HK2: variants seen among roughly 807,000 people sequenced by gnomAD.
HK2 encodes the protein hexokinase-2.
Under a neutral mutation model 92.9 loss-of-function variants are expected in HK2, and 42 were observed. That is an observed-to-expected ratio of 0.45 (90% CI 0.35 to 0.58). The LOEUF (loss-of-function observed/expected upper bound fraction) is 0.58, where lower values mean the gene tolerates loss of function less well. HK2 is among the 20% of genes least tolerant of loss of function. The pLI is 0.00. For missense variants in HK2, 978 were observed against 1,245.1 expected, an observed-to-expected ratio of 0.79 and a Z score of 3.23; for synonymous variants, 422 against 468.0, an observed-to-expected ratio of 0.90 and a Z score of 1.27.
At chr2:74,889,541 T>C (rs1689624733) in intron 17 of HK2, 63 bp downstream of exon 17, 1 of 1,092,318 alleles carries the variant, frequency 9.2e-7, no homozygotes, top group African/African-American at 1.6e-5. Flanking sequence ...TTCCCTTTTC[T>C]TTCTCTCTTT....
At chr2:74,869,980 A>C (rs2103946577) in intron 3 of HK2, among the ~76,000 whole-genome samples, 1 of 148,282 alleles carries the variant, frequency 6.7e-6, no homozygotes, top group East Asian at 2.0e-4. Flanking sequence ...TGAATTTTTA[A>C]GGTCTTTTTT....
Position 74,879,547 on chromosome 2 carries a change from T to C in HK2, c.1265+626T>C, listed in dbSNP as rs141549913. 9.2e-5 allele frequency among the ~76,000 whole-genome samples: 14 copies of C among 152,236 alleles called. No homozygotes were observed. In the East Asian group the frequency reaches 2.7e-3, roughly 29 times the overall value. ...CTACCCAGTGTTGCAAAAACTCGAG[T>C]GTGCACGTGAATCACATGGGGATCT... On this transcript the variant is annotated intron_variant, in intron 9 of 17. Transcript: ENST00000290573.
rs150568013 is a variant in HK2 at position 74,834,592 on chromosome 2, G to A, written c.12G>A (p.Ser4=). MIA[S]HLLAYFFTEL... is the part of the protein sequence containing the mutation. ...CGGGCCGCGGCAGGATGATTGCCTC[G>A]CATCTGCTTGCCTACTTCTTCACGG... The change falls in exon 1 of 18, where the codon TCG becomes TCA. Residue 4 remains serine, a synonymous_variant. Coordinates refer to ENST00000290573, the MANE Select transcript of HK2 (RefSeq NM_000189.5). The surrounding 1 kb of genome is among the most constrained non-coding windows in gnomAD (Gnocchi z 4.2). 14 of 1,613,748 alleles carry A rather than the reference G, an allele frequency of 8.7e-6. No individual in the cohort carries two copies. The African/African-American group carries it at 1.7e-4, about 20-fold the overall frequency.
chr2:74,886,185 C>T, intron 13 of HK2, 109 bp from the exon 14 acceptor site: 1 of 843,612 alleles, frequency 1.2e-6, no homozygotes, highest in Non-Finnish European at 2.0e-6. Context: ...GAGGGTCAGC[C>T]ATGGTGTATG....
intron 1 of HK2, among the ~76,000 whole-genome samples, chr2:74,837,261 A>G (rs1018635307): frequency 1.3e-5 from 2 of 152,224 alleles, no homozygotes; most frequent in Non-Finnish European, 2.9e-5. Context: ...GCTTTAGAGC[A>G]CCATGCTCTT....
In HK2 at chr2:74,889,405, C is replaced by T. The variant is rs761165616; in HGVS notation, c.2536C>T (p.Arg846Ter). ...CATGGCCGCTGTGGTGGACAGGATA[C>T]GAGAAAACCGTGGGCTGGACGCTCT... ...AGMAAVVDRI[R>*]ENRGLDALKV... The change falls in exon 17 of 18, where the codon CGA becomes TGA. Residue 846 changes from arginine (R) to a stop codon, truncating the protein, a stop_gained. Coordinates refer to ENST00000290573, the MANE Select transcript of HK2 (RefSeq NM_000189.5). LOFTEE classifies it high-confidence loss of function. 10 of 1,614,044 alleles carry T rather than the reference C, an allele frequency of 6.2e-6. No homozygotes were observed. Among genetic ancestry groups the T allele is most frequent in the Admixed American group, 1.7e-5 (1 of 59,990 alleles).
At position 74,873,800 on chromosome 2, in the gene HK2, C is replaced by CT. The variant is rs1689158620; in HGVS notation, c.592-43dup. The CT allele has an allele frequency of 2.2e-6, 3 of 1,384,624 alleles. No individual in the cohort carries two copies. The Admixed American group carries it at 5.1e-5, about 23-fold the overall frequency. 85.8% of individuals were successfully genotyped at this position (1,384,624 alleles called of 1,614,324 possible). ...TATAGCTGGTGTTAGGAAAGTCGCC[C>CT]TCTGTGATGATGAAGGTCAGAGCCC... is the stretch of plus-strand genomic sequence containing the variant. On this transcript the variant is annotated intron_variant, in intron 5 of 17. Coordinates refer to ENST00000290573, the MANE Select transcript of HK2 (RefSeq NM_000189.5).
chr2:74,857,726 G>T (rs1212180571), intron 2 of HK2, among the ~76,000 whole-genome samples: 1 of 152,162 alleles, frequency 6.6e-6, no homozygotes, highest in Non-Finnish European at 1.5e-5. Flanking sequence ...TTGTCAGTTG[G>T]GGGTATGAGT....
At chr2:74,850,148 T>C (rs1688532856) in intron 1 of HK2, among the ~76,000 whole-genome samples, 1 of 152,208 alleles carries the variant, frequency 6.6e-6, no homozygotes, top group Non-Finnish European at 1.5e-5. Context: ...TATTGGCATA[T>C]TGGAAACCTC....
At chr2:74,889,526 G>C in intron 17 of HK2, 48 bp downstream of exon 17, 1 of 1,245,140 alleles carries the variant, frequency 8.0e-7, no homozygotes, top group Non-Finnish European at 1.2e-6. Context: ...TTCTGTCTTT[G>C]TTCTTTCCCT....
chr2:74,868,681 C>T (rs946079482), intron 3 of HK2, among the ~76,000 whole-genome samples: 1 of 151,988 alleles, frequency 6.6e-6, no homozygotes, highest in Non-Finnish European at 1.5e-5. Flanking sequence ...CTTTTCTTCC[C>T]GTTGCCTCGA....
At chr2:74,884,800 G>T (rs1182430613) in intron 12 of HK2, among the ~76,000 whole-genome samples, 8 of 152,198 alleles carry the variant, frequency 5.3e-5, no homozygotes, top group Non-Finnish European at 8.8e-5. Context: ...AAAACCCAAA[G>T]CATTTCTCCC....
chr2:74,868,614 C>T (rs2103941032), intron 3 of HK2, among the ~76,000 whole-genome samples: 1 of 152,222 alleles, frequency 6.6e-6, no homozygotes, highest in Non-Finnish European at 1.5e-5. Flanking sequence ...GCTTCTTGTG[C>T]TGTCACTTTC....
chr2:74,852,991 C>T (rs1319390792), intron 1 of HK2, among the ~76,000 whole-genome samples: 2 of 152,068 alleles, frequency 1.3e-5, no homozygotes, highest in South Asian at 2.1e-4. Flanking sequence ...GATAGTGTTG[C>T]GAAGGGAAAA....
chr2:74,838,046 G>A (rs895362699), intron 1 of HK2, among the ~76,000 whole-genome samples: 1 of 152,150 alleles, frequency 6.6e-6, no homozygotes, highest in Non-Finnish European at 1.5e-5. Context: ...CTCAAATGCA[G>A]TTTACTGTCT....
At chr2:74,889,831 A>C (rs912309240) in intron 17 of HK2, among the ~76,000 whole-genome samples, 1 of 152,230 alleles carries the variant, frequency 6.6e-6, no homozygotes, top group African/African-American at 2.4e-5. Flanking sequence ...AAATAGAATC[A>C]CATGGTATCT....
Position 74,887,987 on chromosome 2 carries a change from C to T in HK2, c.2304C>T (p.Phe768=). 6.2e-7 allele frequency: 1 copy of T among 1,614,182 alleles called. No homozygotes were observed. Among genetic ancestry groups the T allele is most frequent in the East Asian group, 2.2e-5 (1 of 44,886 alleles). The change falls in exon 16 of 18, where the codon TTC becomes TTT. Residue 768 remains phenylalanine, a synonymous_variant. Coordinates refer to ENST00000290573, the MANE Select transcript of HK2 (RefSeq NM_000189.5). ...ATTTCACCAAGCGTGGACTACTCTT[C>T]CGAGGCCGCATCTCAGAGCGGCTCA... ...LIDFTKRGLL[F]RGRISERLKT... is the part of the protein sequence containing the mutation.
intron 2 of HK2, among the ~76,000 whole-genome samples, chr2:74,855,220 C>T (rs1277944793): frequency 6.6e-6 from 1 of 152,276 alleles, no homozygotes; most frequent in Non-Finnish European, 1.5e-5. Context: ...GTCTCGAACT[C>T]CTGACCTCAG....
chr2:74,876,607 C>T (rs1302640932), intron 7 of HK2, among the ~76,000 whole-genome samples: 1 of 152,122 alleles, frequency 6.6e-6, no homozygotes, highest in African/African-American at 2.4e-5. Flanking sequence ...GCTCGGAGCC[C>T]AGTGCAGATT....
Sources: allele counts gnomAD v4.1 joint callset (sites outside exome capture counted in the v4.1 genomes callset), GRCh38; gene constraint gnomAD v4.1.1; non-coding constraint Gnocchi (gnomAD v3.1); transcripts MANE v1.5; gene names NCBI Gene and HGNC (gene_info 2026-07-23, HGNC 2026-07-21).